The following ANKS1B variants were observed in gnomAD, a reference collection of about 807,000 sequenced individuals.
ANKS1B encodes ankyrin repeat and sterile alpha motif domain containing 1B.
ANKS1B carries 36 observed loss-of-function variants against 148.3 expected under a neutral mutation model. That is an observed-to-expected ratio of 0.24 (90% CI 0.19 to 0.32). The LOEUF (loss-of-function observed/expected upper bound fraction) is 0.32, where lower values mean the gene tolerates loss of function less well. Among genes scored for constraint, ANKS1B ranks in the 10% least tolerant of loss-of-function variants. The pLI is 1.00. For synonymous variants in ANKS1B, 542 were observed against 560.8 expected (o/e 0.97, Z 0.47); for missense variants, 1,157 against 1,542.6 (o/e 0.75, Z 4.19).
chr12:99,273,560 T>C (rs2077293681), intron 12 of ANKS1B, among the ~76,000 whole-genome samples: 1 of 149,584 alleles, frequency 6.7e-6, no homozygotes, highest in Non-Finnish European at 1.5e-5. Flanking sequence ...TCAGATTCTT[T>C]TTTTTTTTTT....
intron 9 of ANKS1B, among the ~76,000 whole-genome samples, chr12:99,526,967 A>G (rs1457384191): frequency 2.6e-5 from 4 of 152,250 alleles, no homozygotes; most frequent in Non-Finnish European, 5.9e-5. Flanking sequence ...ACTTGTACAC[A>G]GGTATAACAT....
At chr12:99,538,073 G>T (rs10777995) in intron 9 of ANKS1B, among the ~76,000 whole-genome samples, 38,618 of 151,916 alleles carry the variant, frequency 0.25, 5,138 homozygotes, top group African/African-American at 0.33. Flanking sequence ...CTCTAGGTGT[G>T]TTTATTTGTT....
At chr12:98,790,722 T>C (rs1464460328) in intron 22 of ANKS1B, among the ~76,000 whole-genome samples, 2 of 152,170 alleles carry the variant, frequency 1.3e-5, no homozygotes, top group Non-Finnish European at 2.9e-5. Flanking sequence ...TTGAAATCTG[T>C]GTGCATAACT....
chr12:99,043,336 T>A (rs534491847), intron 17 of ANKS1B, among the ~76,000 whole-genome samples: 12 of 152,352 alleles, frequency 7.9e-5, no homozygotes, highest in African/African-American at 2.9e-4. Context: ...GAATGTAGTG[T>A]TTGCCTGAAT....
At chr12:99,130,473 C>T (rs1458079639) in intron 15 of ANKS1B, among the ~76,000 whole-genome samples, 1 of 152,136 alleles carries the variant, frequency 6.6e-6, no homozygotes, top group Non-Finnish European at 1.5e-5. Context: ...TTCTCTCACT[C>T]CTGAAGTCAA....
At chr12:99,852,785 G>A (rs191232586) in intron 1 of ANKS1B, among the ~76,000 whole-genome samples, 3 of 152,330 alleles carry the variant, frequency 2.0e-5, no homozygotes, top group East Asian at 1.9e-4. Flanking sequence ...AAGTCTACTC[G>A]CTTTCTCAGC....
intron 20 of ANKS1B, among the ~76,000 whole-genome samples, chr12:98,805,954 C>T (rs575193177): frequency 1.3e-5 from 2 of 152,326 alleles, no homozygotes; most frequent in African/African-American, 4.8e-5. Context: ...TCATTGCAAC[C>T]TCCGCTTCCT....
chr12:99,044,664 C>T (rs949768348), intron 17 of ANKS1B, among the ~76,000 whole-genome samples: 8 of 152,130 alleles, frequency 5.3e-5, no homozygotes, highest in Admixed American at 3.9e-4. Context: ...TGAAAATAGG[C>T]TCCAAGGGAC....
At chr12:98,774,043 C>T (rs1032322582) in intron 24 of ANKS1B, among the ~76,000 whole-genome samples, 2 of 152,198 alleles carry the variant, frequency 1.3e-5, no homozygotes, top group African/African-American at 4.8e-5. Flanking sequence ...AACTAAGGTG[C>T]AGGGGCCTGA....
intron 14 of ANKS1B, among the ~76,000 whole-genome samples, chr12:99,202,096 T>C (rs1379518682): frequency 3.9e-5 from 6 of 152,150 alleles, no homozygotes; most frequent in Admixed American, 3.9e-4. Context: ...TAATTCCAAA[T>C]AAAAATAGGG....
At chr12:98,931,342 G>C (rs1433233414) in intron 17 of ANKS1B, among the ~76,000 whole-genome samples, 1 of 152,108 alleles carries the variant, frequency 6.6e-6, no homozygotes, top group South Asian at 2.1e-4. Flanking sequence ...TGTTTTTTAT[G>C]ACCTGAAAAT....
chr12:99,812,548 CACACACACACAGAGAGAGAG>C (rs1370828332), intron 2 of ANKS1B, among the ~76,000 whole-genome samples: 11 of 100,034 alleles, frequency 1.1e-4, no homozygotes, highest in African/African-American at 5.0e-4. Context: ...CACACACACA[CACACACACACAGAGAGAGAG>C]AGAGAGAGAA....
chr12:98,807,395 A>G (rs999506577), intron 20 of ANKS1B, among the ~76,000 whole-genome samples: 1 of 152,198 alleles, frequency 6.6e-6, no homozygotes, highest in Non-Finnish European at 1.5e-5. Flanking sequence ...TCATACTCAG[A>G]AATTTCTCAC....
chr12:99,509,194 G>A (rs1461550286), intron 9 of ANKS1B, among the ~76,000 whole-genome samples: 1 of 151,672 alleles, frequency 6.6e-6, no homozygotes, highest in Non-Finnish European at 1.5e-5. Flanking sequence ...CCTATTTCCT[G>A]AGACACAACA....
intron 8 of ANKS1B, among the ~76,000 whole-genome samples, chr12:99,722,569 T>G (rs2058191382): frequency 6.6e-6 from 1 of 152,226 alleles, no homozygotes; most frequent in South Asian, 2.1e-4. Context: ...AAATTATTAT[T>G]GCTCATCGAC....
At chr12:98,791,507 G>A (rs751355100) in intron 22 of ANKS1B, among the ~76,000 whole-genome samples, 9 of 152,112 alleles carry the variant, frequency 5.9e-5, no homozygotes, top group Non-Finnish European at 8.8e-5. Flanking sequence ...ATTTGGGAGA[G>A]AGTGAAAGAA....
intron 12 of ANKS1B, among the ~76,000 whole-genome samples, chr12:99,304,896 A>G (rs1166365015): frequency 6.6e-6 from 1 of 152,172 alleles, no homozygotes; most frequent in African/African-American, 2.4e-5. Flanking sequence ...TAATGTATCC[A>G]TATTAGTCTG....
chr12:99,341,663 G>A (rs1245671544), intron 12 of ANKS1B, among the ~76,000 whole-genome samples: 1 of 152,088 alleles, frequency 6.6e-6, no homozygotes, highest in African/African-American at 2.4e-5. Flanking sequence ...ATGGTAGGAA[G>A]GTGAGATATA....
intron 17 of ANKS1B, among the ~76,000 whole-genome samples, chr12:99,029,304 C>T (rs1274889696): frequency 2.0e-5 from 3 of 152,186 alleles, no homozygotes. Context: ...AAACAGAGAT[C>T]CATCCTTGAC....
Sources: allele counts gnomAD v4.1 joint callset (sites outside exome capture counted in the v4.1 genomes callset), GRCh38; gene constraint gnomAD v4.1.1; transcripts MANE v1.5; gene names NCBI Gene and HGNC (gene_info 2026-07-23, HGNC 2026-07-21).